MTF2: variants seen among roughly 807,000 people sequenced by gnomAD.
MTF2 encodes the protein metal response element binding transcription factor 2.
MTF2 carries 11 observed loss-of-function variants against 79.5 expected under a neutral mutation model. That is an observed-to-expected ratio of 0.14 (90% CI 0.09 to 0.23). The LOEUF (loss-of-function observed/expected upper bound fraction) is 0.23, where lower values mean the gene tolerates loss of function less well. Ranked by LOEUF, MTF2 falls within the 10% of genes least tolerant of loss-of-function variation. MTF2 has a pLI of 1.00. For missense variants in MTF2, 486 were observed against 711.2 expected, an observed-to-expected ratio of 0.68 and a Z score of 3.60; for synonymous variants, 208 against 232.8, an observed-to-expected ratio of 0.89 and a Z score of 0.97.
chr1:93,130,380 C>G (rs889280015), intron 11 of MTF2, among the ~76,000 whole-genome samples: 2 of 152,100 alleles, frequency 1.3e-5, no homozygotes, highest in Admixed American at 1.3e-4. Flanking sequence ...GAGTTTGAGA[C>G]CAGCCTTACC....
intron 10 of MTF2, 27 bp from the exon 11 acceptor site, chr1:93,129,251 T>C (rs763782781): frequency 6.7e-7 from 1 of 1,490,430 alleles, no homozygotes. Flanking sequence ...GTTTTTAAAA[T>C]TTTAGTTAAT....
chr1:93,115,434 C>A, intron 5 of MTF2, 36 bp from the exon 6 acceptor site: 3 of 1,460,020 alleles, frequency 2.1e-6, no homozygotes, highest in Non-Finnish European at 1.8e-6. Flanking sequence ...AAAATTTTAG[C>A]CTTCACTCTT....
At chr1:93,114,085 C>T (rs2101063189) in intron 3 of MTF2, among the ~76,000 whole-genome samples, 1 of 151,422 alleles carries the variant, frequency 6.6e-6, no homozygotes, top group Middle Eastern at 3.4e-3. Flanking sequence ...ATTTTGGGAC[C>T]CCCAAATTTT....
At chr1:93,088,988 T>C (rs545268889) in intron 1 of MTF2, among the ~76,000 whole-genome samples, 2 of 152,292 alleles carry the variant, frequency 1.3e-5, no homozygotes, top group Non-Finnish European at 2.9e-5. Context: ...AAAGATGTTC[T>C]ATAAAACTGA....
intron 1 of MTF2, among the ~76,000 whole-genome samples, chr1:93,083,520 A>G (rs1253186970): frequency 6.6e-6 from 1 of 152,202 alleles, no homozygotes; most frequent in Non-Finnish European, 1.5e-5. Context: ...GTAATGCTGC[A>G]GTGATCATTC....
intron 10 of MTF2, among the ~76,000 whole-genome samples, chr1:93,127,571 G>A (rs968330959): frequency 6.6e-6 from 1 of 152,242 alleles, no homozygotes; most frequent in Middle Eastern, 3.4e-3. Flanking sequence ...AGCATATTCA[G>A]TAATAACTTC....
At chr1:93,129,169 T>C (rs1291011689) in intron 10 of MTF2, 109 bp from the exon 11 acceptor site, 1 of 659,082 alleles carries the variant, frequency 1.5e-6, no homozygotes, top group South Asian at 4.5e-5. Context: ...TTTTGTAGTA[T>C]TGGGTGGGCT....
intron 6 of MTF2, among the ~76,000 whole-genome samples, chr1:93,116,829 T>C (rs1656267283): frequency 6.6e-6 from 1 of 152,126 alleles, no homozygotes; most frequent in Non-Finnish European, 1.5e-5. Flanking sequence ...ATTAGCCTAA[T>C]TTCAATATTG....
chr1:93,104,766 C>T (rs368925190), intron 1 of MTF2, among the ~76,000 whole-genome samples: 9 of 151,696 alleles, frequency 5.9e-5, no homozygotes, highest in Admixed American at 1.3e-4. Context: ...TAAATATAGG[C>T]GTTTCTTGAC....
At chr1:93,097,660 C>T (rs568328795) in intron 1 of MTF2, among the ~76,000 whole-genome samples, 55 of 152,064 alleles carry the variant, frequency 3.6e-4, no homozygotes, top group South Asian at 6.2e-4. Context: ...TGTAGCGGTG[C>T]GATCTCAGCT....
chr1:93,130,269 G>A (rs1213419491), intron 11 of MTF2, among the ~76,000 whole-genome samples: 1 of 152,064 alleles, frequency 6.6e-6, no homozygotes, highest in Non-Finnish European at 1.5e-5. Flanking sequence ...GGCATGTAAG[G>A]GATTTAATTA....
intron 1 of MTF2, among the ~76,000 whole-genome samples, chr1:93,087,798 A>C (rs755410986): frequency 6.6e-6 from 1 of 152,202 alleles, no homozygotes; most frequent in Non-Finnish European, 1.5e-5. Context: ...GGTTTACCAT[A>C]GTAGAGCCAG....
intron 1 of MTF2, among the ~76,000 whole-genome samples, chr1:93,087,271 C>G (rs983066661): frequency 2.0e-5 from 3 of 152,026 alleles, no homozygotes; most frequent in African/African-American, 4.8e-5. Flanking sequence ...TTCAGTTAGA[C>G]TTATAAAAAA....
chr1:93,099,384 T>C (rs1405888339), intron 1 of MTF2, among the ~76,000 whole-genome samples: 1 of 152,034 alleles, frequency 6.6e-6, no homozygotes, highest in Non-Finnish European at 1.5e-5. Context: ...CCTAGACACA[T>C]CATTATGAAA....
chr1:93,090,980 A>T (rs1238121145), intron 1 of MTF2, among the ~76,000 whole-genome samples: 1 of 152,064 alleles, frequency 6.6e-6, no homozygotes, highest in African/African-American at 2.4e-5. Context: ...CCTAGTTTTA[A>T]CAACTTCTCC....
Position 93,136,809 on chromosome 1 carries a change from A to C in MTF2, c.1564A>C (p.Lys522Gln), listed in dbSNP as rs781152693. 1 of 1,614,262 alleles carries C rather than the reference A, an allele frequency of 6.2e-7. No homozygotes were observed. The highest frequency in any genetic ancestry group is 8.5e-7 in the Non-Finnish European group (1 of 1,180,042). ...AGAAATTGTAAAAGATGATGAAGGC[A>C]AAGAAGATTATCAGTTTGATGAACT... ...NSEIVKDDEG[K>Q]EDYQFDELNT... Residue 522 changes from lysine (K) to glutamine (Q), a missense_variant, in exon 15 of 15, where the codon AAA (lysine) becomes CAA (glutamine). Lys to Gln is a moderately conservative substitution (Grantham distance 53). Around this residue, in one of 4 missense-constraint regions of MTF2, gnomAD observed 209 missense variants for 206.5 expected, o/e 1.01. Coordinates refer to ENST00000370298, the MANE Select transcript of MTF2 (RefSeq NM_007358.4).
chr1:93,087,533 T>TGG (rs1447060777), intron 1 of MTF2, among the ~76,000 whole-genome samples: 2 of 151,292 alleles, frequency 1.3e-5, no homozygotes, highest in East Asian at 3.9e-4. Flanking sequence ...GATGGTACCA[T>TGG]TGCATGGCAG....
At chr1:93,124,568 T>A (rs909307168) in intron 9 of MTF2, among the ~76,000 whole-genome samples, 5 of 152,002 alleles carry the variant, frequency 3.3e-5, no homozygotes, top group African/African-American at 7.2e-5. Context: ...ACTCAAGAAA[T>A]ACTGTGGTAG....
chr1:93,120,412 ATTTAT>A lies in MTF2; in HGVS notation c.798-135_798-131del, dbSNP rs573999890. ...TTTCTAGTTATTTTTATGTGTAGTG[ATTTAT>A]TGTATTGTGAATATGACTATCCACC... is the stretch of plus-strand genomic sequence containing the variant. On this transcript the variant is annotated intron_variant, in intron 8 of 14. Transcript: ENST00000370298. 2.1e-3 allele frequency: 1,353 copies of A among 654,736 alleles called. 16 individuals are homozygous for A. The African/African-American group carries it at 0.024, about 12-fold the overall frequency. The allele number at this position is 654,736 out of a possible 1,614,324, so 40.6% of individuals were successfully genotyped here. A position where few individuals can be genotyped will look rare whatever the true frequency, so the allele number is the denominator to read the frequency against.
Sources: gnomAD v4.1 joint callset for allele counts (sites outside exome capture counted in the v4.1 genomes callset) on GRCh38, gnomAD v4.1.1 for gene constraint, gnomAD v4.1.1 regional missense constraint, MANE v1.5 for transcripts, NCBI Gene and HGNC (gene_info 2026-07-23, HGNC 2026-07-21) for gene names.